MGAT5B: variants seen among roughly 807,000 people sequenced by gnomAD.
The protein encoded by MGAT5B is alpha-1,6-mannosylglycoprotein 6-beta-N-acetylglucosaminyltransferase B, also known as N-acetylglucosaminyl-transferase Vb.
Under a neutral mutation model 95.1 loss-of-function variants are expected in MGAT5B, and 54 were observed. The ratio of observed to expected loss-of-function variants is 0.57; its 90% CI spans 0.46 to 0.71. MGAT5B has a LOEUF of 0.71. Among genes scored for constraint, MGAT5B ranks in the 30% least tolerant of loss-of-function variants. The pLI is 0.00. For missense variants in MGAT5B, 935 were observed against 1,088.6 expected (o/e 0.86, Z 1.99); for synonymous variants, 464 against 451.0 (o/e 1.03, Z -0.36).
intron 3 of MGAT5B, among the ~76,000 whole-genome samples, chr17:76,895,571 C>T (rs1446357401): frequency 2.0e-5 from 3 of 152,200 alleles, no homozygotes; most frequent in Non-Finnish European, 4.4e-5. Flanking sequence ...CCAGGCCCTG[C>T]TCCTGGCCTT....
intron 1 of MGAT5B, chr17:76,872,587 C>A: frequency 7.2e-7 from 1 of 1,379,530 alleles, no homozygotes. Flanking sequence ...AGGCTAGAGC[C>A]CGCCTGCCTC....
At chr17:76,890,961 CTTTTTT>C (rs150133278) in intron 3 of MGAT5B, among the ~76,000 whole-genome samples, 3 of 111,646 alleles carry the variant, frequency 2.7e-5, no homozygotes, top group African/African-American at 7.5e-5. Flanking sequence ...CTCTGGGGGC[CTTTTTT>C]TTTTTTTTTT....
intron 8 of MGAT5B, among the ~76,000 whole-genome samples, chr17:76,913,452 G>A (rs1968815590): frequency 6.6e-6 from 1 of 152,234 alleles, no homozygotes; most frequent in Non-Finnish European, 1.5e-5. Context: ...TCTCTGAGGG[G>A]AGAGGAGAAA....
At position 76,905,607 on chromosome 17, in the gene MGAT5B, G is replaced by A. The variant is rs569331764; in HGVS notation, c.855+274G>A. ...GGCAGAAAAGTCATGGTATTGGCCT[G>A]GAAAGTTGGGAATGTTCTGGGGAGC... On this transcript the variant is annotated intron_variant, in intron 7 of 17. Coordinates refer to ENST00000569840, the MANE Select transcript of MGAT5B (RefSeq NM_001199172.2). This position sits in a 1 kb window ranked among gnomAD's most constrained non-coding sequence, Gnocchi z 4.2. Among the ~76,000 whole-genome samples the A allele has an allele frequency of 1.7e-3, 258 of 152,300 alleles. No individual in the cohort carries two copies. Among genetic ancestry groups the A allele is most frequent in the African/African-American group, 5.9e-3 (246 of 41,568 alleles).
At chr17:76,939,985 G>A (rs1183062903) in intron 13 of MGAT5B, among the ~76,000 whole-genome samples, 1 of 152,152 alleles carries the variant, frequency 6.6e-6, no homozygotes, top group Non-Finnish European at 1.5e-5. Flanking sequence ...CAAGTTAGAT[G>A]CTGAATAAAT....
At chr17:76,920,063 A>G (rs975360539) in intron 8 of MGAT5B, among the ~76,000 whole-genome samples, 5 of 152,100 alleles carry the variant, frequency 3.3e-5, no homozygotes, top group Non-Finnish European at 7.4e-5. Flanking sequence ...ACTCCTATTC[A>G]TCTGGCCTGG....
At chr17:76,904,197 C>G in intron 5 of MGAT5B, 55 bp from the exon 6 acceptor site, 1 of 1,534,418 alleles carries the variant, frequency 6.5e-7, no homozygotes, top group African/African-American at 1.4e-5. Context: ...CGGGGGAGTC[C>G]CCGAGGGTCA....
chr17:76,902,918 A>G (rs1968370787), intron 4 of MGAT5B, among the ~76,000 whole-genome samples: 1 of 152,144 alleles, frequency 6.6e-6, no homozygotes, highest in African/African-American at 2.4e-5. Context: ...CCACAGTTCC[A>G]GGAGTGAGGC....
rs1968995921 is a variant in MGAT5B at position 76,917,990 on chromosome 17, G to A, written c.1026-6976G>A. ...CCGAGTTCCCGTTCCTCTTCCTGCA[G>A]CCGTGCTGGCAGCCAGCGGGGTGAG... On this transcript the variant is annotated intron_variant, in intron 8 of 17. Coordinates refer to ENST00000569840, the MANE Select transcript of MGAT5B (RefSeq NM_001199172.2). This position sits in a 1 kb window ranked among gnomAD's most constrained non-coding sequence, Gnocchi z 6.1. Among the ~76,000 whole-genome samples the A allele has an allele frequency of 6.6e-6, 1 of 152,184 alleles. No individual in the cohort carries two copies. The highest frequency in any genetic ancestry group is 6.5e-5 in the Admixed American group (1 of 15,286).
At chr17:76,934,592 T>C (rs7217999) in intron 12 of MGAT5B, among the ~76,000 whole-genome samples, 97,523 of 151,964 alleles carry the variant, frequency 0.64, 31,444 homozygotes, top group East Asian at 0.65. Flanking sequence ...GGGCACTGGG[T>C]GCTGGAGAAG....
rs777136702 is a variant in MGAT5B at position 76,884,458 on chromosome 17, G to C, written c.329+2160G>C. 6.6e-5 allele frequency among the ~76,000 whole-genome samples: 10 copies of C among 151,966 alleles called. No homozygotes were observed. The South Asian group carries it at 8.3e-4, about 13-fold the overall frequency. On this transcript the variant is annotated intron_variant, in intron 3 of 17. Transcript: ENST00000569840. ...ATTTATTTATTTTTTTGAGATGGAG[G>C]CTTGCTCTGTTGCCCAGGCTGGAGA...
intron 16 of MGAT5B, 98 bp downstream of exon 16, chr17:76,946,548 C>G (rs1303363482): frequency 3.0e-6 from 3 of 1,004,158 alleles, no homozygotes; most frequent in Admixed American, 6.5e-5. Flanking sequence ...ACCCGTGAAA[C>G]CATCCAACTC....
Position 76,937,983 on chromosome 17 carries a change from T to A in MGAT5B, c.1429-5T>A. 2 of 1,612,354 alleles carry A rather than the reference T, an allele frequency of 1.2e-6. No homozygotes were observed. The highest frequency in any genetic ancestry group is 1.7e-6 in the Non-Finnish European group (2 of 1,178,452). ...GGTTCCCATCTCCTCCTCTTCTTTTTCCAGGGGAAGGAGAAGTTCCTGGGC... is the reference window on the plus strand; with the variant it reads ...GGTTCCCATCTCCTCCTCTTCTTTTACCAGGGGAAGGAGAAGTTCCTGGGC... On this transcript the variant is annotated splice_region_variant and splice_polypyrimidine_tract_variant and intron_variant, in intron 12 of 17. Coordinates refer to ENST00000569840, the MANE Select transcript of MGAT5B (RefSeq NM_001199172.2).
At chr17:76,902,140 G>T (rs954530150) in intron 3 of MGAT5B, among the ~76,000 whole-genome samples, 1 of 152,164 alleles carries the variant, frequency 6.6e-6, no homozygotes, top group Non-Finnish European at 1.5e-5. Context: ...GCAGATGTGG[G>T]CACCTGTACA....
chr17:76,879,225 G>A (rs1967314140), intron 2 of MGAT5B, among the ~76,000 whole-genome samples: 1 of 152,174 alleles, frequency 6.6e-6, no homozygotes, highest in African/African-American at 2.4e-5. Context: ...AGGAAGCTTG[G>A]GGTGGGCTTG....
At chr17:76,899,690 T>G (rs1968235007) in intron 3 of MGAT5B, among the ~76,000 whole-genome samples, 1 of 152,096 alleles carries the variant, frequency 6.6e-6, no homozygotes, top group Non-Finnish European at 1.5e-5. Flanking sequence ...TTCATTCCTG[T>G]CAAAGGAGTG....
chr17:76,928,929 G>T lies in MGAT5B; in HGVS notation c.1291+2199G>T, dbSNP rs369477152. Among the ~76,000 whole-genome samples, 6 of 151,262 alleles carry T rather than the reference G, an allele frequency of 4.0e-5. No individual in the cohort carries two copies. The East Asian group carries it at 7.8e-4, about 20-fold the overall frequency. On this transcript the variant is annotated intron_variant, in intron 10 of 17. Coordinates refer to ENST00000569840, the MANE Select transcript of MGAT5B (RefSeq NM_001199172.2). Reference sequence around the variant, plus strand: ...CACTCAGGCTGGAGTGCAGTGGCGCGACCTCGGCTCCCTGCAACCTCCACC... The same window carrying T: ...CACTCAGGCTGGAGTGCAGTGGCGCTACCTCGGCTCCCTGCAACCTCCACC...
At chr17:76,881,911 TAGTGGGCAACGGGG>T (rs1173751368) in intron 2 of MGAT5B, among the ~76,000 whole-genome samples, 1 of 152,236 alleles carries the variant, frequency 6.6e-6, no homozygotes, top group Non-Finnish European at 1.5e-5. Flanking sequence ...GTCACATGGC[TAGTGGGCAACGGGG>T]CTGCCCAGGG....
Position 76,916,581 on chromosome 17 carries a change from T to A in MGAT5B, c.1026-8385T>A, listed in dbSNP as rs1968946564. Among the ~76,000 whole-genome samples the A allele has an allele frequency of 6.6e-6, 1 of 152,148 alleles. No homozygotes were observed. Among genetic ancestry groups the A allele is most frequent in the Non-Finnish European group, 1.5e-5 (1 of 68,020 alleles). ...GAGGCTGGGATTACAGGCAGATCCC[T>A]TGAGTCTAGGAGTTCAAGACCAACC... On this transcript the variant is annotated intron_variant, in intron 8 of 17. Transcript: ENST00000569840. This position sits in a 1 kb window ranked among gnomAD's most constrained non-coding sequence, Gnocchi z 5.3.
Sources: allele counts gnomAD v4.1 joint callset (sites outside exome capture counted in the v4.1 genomes callset), GRCh38; gene constraint gnomAD v4.1.1; non-coding constraint Gnocchi (gnomAD v3.1); transcripts MANE v1.5; gene names NCBI Gene and HGNC (gene_info 2026-07-23, HGNC 2026-07-21).